Variants in ADGRB1 observed in about 807,000 individuals in gnomAD.
ADGRB1 encodes adhesion G protein-coupled receptor B1, also known as brain-specific angiogenesis inhibitor 1.
Under a neutral mutation model 175.7 loss-of-function variants are expected in ADGRB1, and 36 were observed. That is an observed-to-expected ratio of 0.20 (90% CI 0.16 to 0.27). ADGRB1 has a LOEUF of 0.27. ADGRB1 is among the 10% of genes least tolerant of loss of function. The pLI is 1.00. For missense variants in ADGRB1, 1,731 were observed against 2,255.3 expected (o/e 0.77, Z 4.71); for synonymous variants, 1,054 against 979.4 (o/e 1.08, Z -1.42).
chr8:142,481,334 A>G lies in ADGRB1; in HGVS notation c.1909A>G (p.Ile637Val). Reference sequence around the variant, plus strand: ...CCCCACCTACATCCGCTGTGTTTCCATTGACTACAGAAACATCCAGATGAT... The same window carrying G: ...CCCCACCTACATCCGCTGTGTTTCCGTTGACTACAGAAACATCCAGATGAT... ...EPPTYIRCVS[I>V]DYRNIQMMTR... Residue 637 changes from isoleucine (I) to valine (V), a missense_variant, in exon 10 of 31, where the codon ATT becomes GTT. Coordinates refer to ENST00000517894, the MANE Select transcript of ADGRB1 (RefSeq NM_001702.3). 1.2e-6 allele frequency: 2 copies of G among 1,613,796 alleles called. No homozygotes were observed. The highest frequency in any genetic ancestry group is 1.3e-5 in the African/African-American group (1 of 75,040).
intron 8 of ADGRB1, 51 bp downstream of exon 8, chr8:142,479,538 G>C (rs748689067): frequency 2.7e-6 from 4 of 1,505,186 alleles, no homozygotes. Context: ...GATGGCGATT[G>C]GGCGGGCTTG....
intron 27 of ADGRB1, 27 bp from the exon 28 acceptor site, chr8:142,541,914 C>T (rs764027143): frequency 2.0e-4 from 301 of 1,522,198 alleles, no homozygotes; most frequent in Non-Finnish European, 2.5e-4. Flanking sequence ...ACACCTGTCC[C>T]CGCTGTCTCC....
chr8:142,490,417 C>T (rs899529087), intron 16 of ADGRB1, among the ~76,000 whole-genome samples: 1 of 152,200 alleles, frequency 6.6e-6, no homozygotes, highest in Admixed American at 6.5e-5. Context: ...ACTGTGTGCC[C>T]GGTGACCCCT....
Position 142,464,078 on chromosome 8 carries a change from C to CG in ADGRB1, c.-121_-120insG. 1 of 628,272 alleles carries CG rather than the reference C, an allele frequency of 1.6e-6. No homozygotes were observed. The highest frequency in any genetic ancestry group is 2.1e-6 in the Non-Finnish European group (1 of 472,312). The allele number at this position is 628,272 out of a possible 1,614,324, so 38.9% of individuals were successfully genotyped here. A position where few individuals can be genotyped will look rare whatever the true frequency, so the allele number is the denominator to read the frequency against. The stretch of plus-strand genomic sequence containing the variant: ...AAGCGGGGCCCTCTCCCATCCCACC[C>CG]TTGCCCCGCCTCCCTGCCCCCACCG... On this transcript the variant is annotated 5_prime_UTR_variant, in exon 2 of 31. Transcript: ENST00000517894.
intron 1 of ADGRB1, among the ~76,000 whole-genome samples, chr8:142,457,540 C>T (rs1359481836): frequency 1.3e-5 from 2 of 151,876 alleles, no homozygotes; most frequent in East Asian, 3.9e-4. Flanking sequence ...TGGGGGCGCA[C>T]CCCCAGGGGG....
At chr8:142,468,111 G>C (rs1419170922) in intron 2 of ADGRB1, among the ~76,000 whole-genome samples, 1 of 152,226 alleles carries the variant, frequency 6.6e-6, no homozygotes, top group Admixed American at 6.5e-5. Context: ...ATGTGCGTGT[G>C]CAAGTGTGGC....
chr8:142,458,549 A>G (rs900941522), intron 1 of ADGRB1, among the ~76,000 whole-genome samples: 9 of 151,372 alleles, frequency 5.9e-5, no homozygotes, highest in African/African-American at 2.2e-4. Flanking sequence ...GTGGCTCCCA[A>G]CTCTGCTTCC....
At chr8:142,472,763 C>T (rs1421838815) in intron 2 of ADGRB1, among the ~76,000 whole-genome samples, 2 of 152,080 alleles carry the variant, frequency 1.3e-5, no homozygotes, top group African/African-American at 4.8e-5. Context: ...AATTCTGTGC[C>T]CAAGATCAGA....
chr8:142,469,132 T>G (rs995740126), intron 2 of ADGRB1, among the ~76,000 whole-genome samples: 3 of 141,712 alleles, frequency 2.1e-5, no homozygotes, highest in African/African-American at 8.1e-5. Flanking sequence ...GAGCTGTGCG[T>G]GTGTGCATGT....
intron 22 of ADGRB1, 137 bp downstream of exon 22, chr8:142,522,847 GC>G: frequency 9.7e-7 from 1 of 1,028,628 alleles, no homozygotes; most frequent in Non-Finnish European, 1.3e-6. Flanking sequence ...GGAGGGTGGG[GC>G]CCCAGGGGCT....
At chr8:142,459,748 A>G (rs925204765) in intron 1 of ADGRB1, among the ~76,000 whole-genome samples, 1 of 152,198 alleles carries the variant, frequency 6.6e-6, no homozygotes, top group Non-Finnish European at 1.5e-5. Context: ...TTGTGCACAC[A>G]TTGACACACA....
chr8:142,517,168 G>T (rs1485748590), intron 18 of ADGRB1, among the ~76,000 whole-genome samples: 3 of 152,172 alleles, frequency 2.0e-5, no homozygotes, highest in African/African-American at 7.2e-5. Flanking sequence ...GGAAAGGGAG[G>T]CTGGCCAGGG....
intron 23 of ADGRB1, among the ~76,000 whole-genome samples, chr8:142,525,474 G>A (rs1038225447): frequency 6.6e-6 from 1 of 152,134 alleles, no homozygotes; most frequent in Non-Finnish European, 1.5e-5. Context: ...GGCAGGCTGG[G>A]CAGAGCCTGC....
At chr8:142,498,566 C>G (rs1043786878) in intron 17 of ADGRB1, among the ~76,000 whole-genome samples, 1 of 151,870 alleles carries the variant, frequency 6.6e-6, no homozygotes, top group Non-Finnish European at 1.5e-5. Flanking sequence ...TGGCTGTGCG[C>G]GCCCAGGCCT....
At chr8:142,518,960 T>G (rs67091000) in intron 19 of ADGRB1, among the ~76,000 whole-genome samples, 107,924 of 152,116 alleles carry the variant, frequency 0.71, 40,073 homozygotes, top group Non-Finnish European at 0.83. Flanking sequence ...TGACTGCCTG[T>G]CTGCTGCCCA....
chr8:142,516,609 TGTG>T (rs1469239587), intron 18 of ADGRB1, among the ~76,000 whole-genome samples: 2 of 130,496 alleles, frequency 1.5e-5, no homozygotes, highest in African/African-American at 3.0e-5. Flanking sequence ...AGGCCACAGG[TGTG>T]TGTGTGTGTG....
chr8:142,512,381 A>T (rs1843154356), intron 18 of ADGRB1, among the ~76,000 whole-genome samples: 1 of 152,188 alleles, frequency 6.6e-6, no homozygotes, highest in African/African-American at 2.4e-5. Flanking sequence ...CATAGACATT[A>T]TGGCTTTCAC....
At chr8:142,486,527 A>T (rs1428519905) in intron 13 of ADGRB1, among the ~76,000 whole-genome samples, 1 of 152,246 alleles carries the variant, frequency 6.6e-6, no homozygotes, top group Admixed American at 6.5e-5. Flanking sequence ...AAACAGACAC[A>T]GTCCGAGGAT....
chr8:142,518,229 T>C lies in ADGRB1; in HGVS notation c.2909T>C (p.Val970Ala), dbSNP rs752235127. The C allele has an allele frequency of 1.5e-5, 25 of 1,613,690 alleles. No individual in the cohort carries two copies. The South Asian group carries it at 2.7e-4, about 18-fold the overall frequency. ...LTLLMLVIIY[V>A]SVWRYIRSER... Reference sequence around the variant, plus strand: ...CTGCTCATGCTGGTCATCATCTACGTGTCCGTGTGGAGGTGGGTGCCGCCC... The same window carrying C: ...CTGCTCATGCTGGTCATCATCTACGCGTCCGTGTGGAGGTGGGTGCCGCCC... Residue 970 changes from valine to alanine, a missense_variant, in exon 19 of 31, where the codon GTG (valine) becomes GCG (alanine). By Grantham distance (64) the Val-to-Ala change is moderately conservative (BLOSUM62 0). Coordinates refer to ENST00000517894, the MANE Select transcript of ADGRB1 (RefSeq NM_001702.3).
Sources: gnomAD v4.1 joint callset for allele counts (sites outside exome capture counted in the v4.1 genomes callset) on GRCh38, gnomAD v4.1.1 for gene constraint, MANE v1.5 for transcripts, NCBI Gene and HGNC (gene_info 2026-07-23, HGNC 2026-07-21) for gene names.